ADAMTSL1: variants seen among roughly 807,000 people sequenced by gnomAD.
The protein encoded by ADAMTSL1 is ADAMTS-like protein 1.
A neutral mutation model predicts 201.8 loss-of-function variants in ADAMTSL1; 126 were observed. The ratio of observed to expected loss-of-function variants is 0.62; its 90% CI spans 0.54 to 0.72. The LOEUF (loss-of-function observed/expected upper bound fraction) is 0.72, where lower values mean the gene tolerates loss of function less well. Ranked by LOEUF, ADAMTSL1 falls within the 30% of genes least tolerant of loss-of-function variation. The probability of loss-of-function intolerance (pLI) is 0.00; values close to 1 mark genes in which losing one functional copy is unlikely to be tolerated. For synonymous variants in ADAMTSL1, 1,121 were observed against 903.4 expected, an observed-to-expected ratio of 1.24 and a Z score of -4.32; for missense variants, 2,679 against 2,277.8, an observed-to-expected ratio of 1.18 and a Z score of -3.59.
rs938057070 is a variant in ADAMTSL1, at chr9:17,994,727, C to G, written c.87+87805C>G. ...GATCAAGGTTCAGAATAAGACAGTT[C>G]ATTTACAATCCTGATTTTCCATGTT... is the stretch of plus-strand genomic sequence containing the variant. On this transcript the variant is annotated intron_variant, in intron 1 of 29. Transcript: ENST00000680146. 2.6e-5 allele frequency among the ~76,000 whole-genome samples: 4 copies of G among 152,146 alleles called. No individual in the cohort carries two copies. In the South Asian group the frequency reaches 8.3e-4, roughly 31 times the overall value.
chr9:18,592,956 G>GTATTT (rs1824021156), intron 4 of ADAMTSL1, among the ~76,000 whole-genome samples: 1 of 151,872 alleles, frequency 6.6e-6, no homozygotes, highest in Non-Finnish European at 1.5e-5. Flanking sequence ...TAATACCTAG[G>GTATTT]TATTTTATTT....
intron 12 of ADAMTSL1, 107 bp from the exon 13 acceptor site, chr9:18,684,609 G>T (rs550075100): frequency 5.7e-6 from 7 of 1,235,526 alleles, no homozygotes; most frequent in Non-Finnish European, 6.4e-6. Flanking sequence ...AAACTTATTC[G>T]TGTTGGTCAA....
intron 1 of ADAMTSL1, among the ~76,000 whole-genome samples, chr9:18,482,591 A>C (rs1233013256): frequency 6.6e-6 from 1 of 152,200 alleles, no homozygotes; most frequent in East Asian, 1.9e-4. Context: ...TGAGACAGGA[A>C]ATTGTGAGCA....
At chr9:18,771,735 G>GTTTTTTTT (rs754025785) in intron 17 of ADAMTSL1, among the ~76,000 whole-genome samples, 1 of 116,668 alleles carries the variant, frequency 8.6e-6, no homozygotes, top group Non-Finnish European at 1.7e-5. Context: ...TTTTTTTTTG[G>GTTTTTTTT]ATAGTATACA....
intron 17 of ADAMTSL1, among the ~76,000 whole-genome samples, chr9:18,773,637 C>G (rs1252760494): frequency 3.3e-5 from 5 of 152,202 alleles, no homozygotes; most frequent in Admixed American, 3.3e-4. Context: ...GAATCACTTC[C>G]TCAACATAGT....
chr9:18,548,914 G>A (rs1464000018), intron 3 of ADAMTSL1, among the ~76,000 whole-genome samples: 1 of 151,752 alleles, frequency 6.6e-6, no homozygotes, highest in Non-Finnish European at 1.5e-5. Flanking sequence ...CAGAATCAGT[G>A]AAAATTTGAA....
At chr9:18,536,739 G>C (rs1215569514) in intron 3 of ADAMTSL1, among the ~76,000 whole-genome samples, 1 of 152,156 alleles carries the variant, frequency 6.6e-6, no homozygotes, top group Non-Finnish European at 1.5e-5. Context: ...TAGAAAATAG[G>C]TGTGAGCTAG....
At chr9:18,230,631 T>C (rs1830612799) in intron 2 of ADAMTSL1, among the ~76,000 whole-genome samples, 1 of 152,064 alleles carries the variant, frequency 6.6e-6, no homozygotes, top group Admixed American at 6.6e-5. Context: ...GAAGAATTAC[T>C]CTAAGAGGGG....
At chr9:18,226,821 A>T (rs963469064) in intron 2 of ADAMTSL1, among the ~76,000 whole-genome samples, 31 of 152,330 alleles carry the variant, frequency 2.0e-4, no homozygotes, top group African/African-American at 7.2e-4. Context: ...TTTTAAAATC[A>T]GAAGAAAAAA....
intron 2 of ADAMTSL1, among the ~76,000 whole-genome samples, chr9:18,388,420 C>T (rs2133211137): frequency 6.6e-6 from 1 of 152,146 alleles, no homozygotes; most frequent in East Asian, 1.9e-4. Context: ...ACTACAGGCA[C>T]ATACCACCAT....
upstream of ADAMTSL1, among the ~76,000 whole-genome samples, chr9:18,473,247 G>C (rs559875278): frequency 1.3e-5 from 2 of 152,302 alleles, no homozygotes; most frequent in Non-Finnish European, 2.9e-5. Context: ...ATTAACTGAG[G>C]ATTTAATTCA....
chr9:18,007,723 A>G (rs1819886504), intron 1 of ADAMTSL1, among the ~76,000 whole-genome samples: 1 of 151,980 alleles, frequency 6.6e-6, no homozygotes, highest in African/African-American at 2.4e-5. Context: ...AGAGAAGAGT[A>G]TAATTAAGCT....
At chr9:18,886,575 G>T (rs1053607168) in intron 23 of ADAMTSL1, among the ~76,000 whole-genome samples, 1 of 152,170 alleles carries the variant, frequency 6.6e-6, no homozygotes, top group Middle Eastern at 3.2e-3. Flanking sequence ...TCCCAGATCA[G>T]TGCAGCCGCA....
chr9:18,814,054 T>C (rs1336393448), intron 20 of ADAMTSL1, among the ~76,000 whole-genome samples: 1 of 152,244 alleles, frequency 6.6e-6, no homozygotes, highest in Admixed American at 6.5e-5. Context: ...TCTACATCTA[T>C]TGTCTTTCTT....
chr9:18,723,249 A>T, intron 15 of ADAMTSL1: 1 of 618,780 alleles, frequency 1.6e-6, no homozygotes, highest in Non-Finnish European at 2.9e-6. Context: ...TTAAACAGCT[A>T]CTCCTGCTGC....
At chr9:18,555,792 T>G (rs1821074707) in intron 3 of ADAMTSL1, among the ~76,000 whole-genome samples, 1 of 151,824 alleles carries the variant, frequency 6.6e-6, no homozygotes, top group Non-Finnish European at 1.5e-5. Flanking sequence ...ATTGAGAGAA[T>G]GGCAAATATG....
chr9:18,732,042 AT>A (rs1818245594), intron 15 of ADAMTSL1, among the ~76,000 whole-genome samples: 1 of 152,208 alleles, frequency 6.6e-6, no homozygotes, highest in Non-Finnish European at 1.5e-5. Flanking sequence ...AACAAAGATA[AT>A]TATCCCAACC....
At chr9:18,457,297 A>G (rs1365547424) in intron 2 of ADAMTSL1, among the ~76,000 whole-genome samples, 1 of 152,160 alleles carries the variant, frequency 6.6e-6, no homozygotes, top group Non-Finnish European at 1.5e-5. Context: ...CACGGAAAAA[A>G]TGTTTTATAG....
intron 25 of ADAMTSL1, chr9:18,890,671 T>C: frequency 2.2e-6 from 1 of 452,804 alleles, no homozygotes; most frequent in Admixed American, 2.4e-5. Flanking sequence ...ATTAATGTCC[T>C]TTTATACCCT....
Sources: allele counts gnomAD v4.1 joint callset (sites outside exome capture counted in the v4.1 genomes callset), GRCh38; gene constraint gnomAD v4.1.1; transcripts MANE v1.5; gene names NCBI Gene and HGNC (gene_info 2026-07-23, HGNC 2026-07-21).